The following ICOS variants were observed in gnomAD, a reference collection of about 807,000 sequenced individuals.
ICOS encodes the protein inducible T cell costimulator.
Under a neutral mutation model 24.6 loss-of-function variants are expected in ICOS, and 15 were observed. That is an observed-to-expected ratio of 0.61 (90% CI 0.41 to 0.94). The LOEUF (loss-of-function observed/expected upper bound fraction) is 0.94. Ranked by LOEUF, ICOS falls within the 40% of genes least tolerant of loss-of-function variation. ICOS has a pLI of 0.00. For missense variants in ICOS, 200 were observed against 233.0 expected (o/e 0.86, Z 0.92); for synonymous variants, 89 against 77.5 (o/e 1.15, Z -0.78).
chr2:203,957,646 A>G (rs1374986735), intron 3 of ICOS, among the ~76,000 whole-genome samples, 153 bp from the exon 4 acceptor site: 1 of 152,238 alleles, frequency 6.6e-6, no homozygotes, highest in African/African-American at 2.4e-5. Context: ...AGCCCTTTTC[A>G]TATTGTTTTT....
At chr2:203,947,322 T>G (rs1179751189) in intron 1 of ICOS, among the ~76,000 whole-genome samples, 3 of 152,080 alleles carry the variant, frequency 2.0e-5, no homozygotes, top group Non-Finnish European at 4.4e-5. Flanking sequence ...ATTATTATTA[T>G]TTTTTGAGAC....
intron 1 of ICOS, 30 bp downstream of exon 1, chr2:203,936,902 A>G (rs1340121250): frequency 2.1e-5 from 31 of 1,464,736 alleles, no homozygotes; most frequent in Non-Finnish European, 2.8e-5. Flanking sequence ...TTTCTTATTA[A>G]GTTATAATTC....
At chr2:203,957,935 C>G (rs772210728) in intron 4 of ICOS, 52 bp downstream of exon 4, 5 of 1,099,650 alleles carry the variant, frequency 4.5e-6, no homozygotes, top group African/African-American at 3.2e-5. Flanking sequence ...TCACAGTAAG[C>G]CTGGAATGTT....
intron 1 of ICOS, among the ~76,000 whole-genome samples, chr2:203,940,352 T>G (rs1689742780): frequency 6.6e-6 from 1 of 152,224 alleles, no homozygotes; most frequent in Admixed American, 6.5e-5. Context: ...CAAGAATCCT[T>G]TCTTAACACT....
intron 1 of ICOS, among the ~76,000 whole-genome samples, chr2:203,943,057 C>A (rs956431727): frequency 6.6e-6 from 1 of 152,156 alleles, no homozygotes; most frequent in Non-Finnish European, 1.5e-5. Flanking sequence ...GCCTTCACTT[C>A]TTGTATCATT....
chr2:203,937,026 C>A (rs2105741231), intron 1 of ICOS, among the ~76,000 whole-genome samples, 154 bp downstream of exon 1: 1 of 152,206 alleles, frequency 6.6e-6, no homozygotes, highest in African/African-American at 2.4e-5. Context: ...CCATGTCACT[C>A]ATGTCACTGT....
chr2:203,948,079 A>G (rs922987030), intron 1 of ICOS, among the ~76,000 whole-genome samples: 1 of 152,198 alleles, frequency 6.6e-6, no homozygotes, highest in Non-Finnish European at 1.5e-5. Flanking sequence ...ACAGACATAT[A>G]AGAGCCAAGA....
Position 203,955,843 on chromosome 2 carries a change from A to C in ICOS, c.266A>C (p.Asn89Thr). 1 of 1,613,812 alleles carries C rather than the reference A, an allele frequency of 6.2e-7. No individual in the cohort carries two copies. The highest frequency in any genetic ancestry group is 8.5e-7 in the Non-Finnish European group (1 of 1,179,776). ...SLKFCHSQLS[N>T]NSVSFFLYNL... ...AAATTCTGCCATTCTCAGTTATCCA[A>C]CAACAGTGTCTCTTTTTTTCTATAC... Residue 89 changes from asparagine (N) to threonine (T), a missense_variant, in exon 2 of 5, where the codon AAC (asparagine) becomes ACC (threonine). Coordinates refer to ENST00000316386, the MANE Select transcript of ICOS (RefSeq NM_012092.4).
At chr2:203,948,353 T>C (rs1443107936) in intron 1 of ICOS, among the ~76,000 whole-genome samples, 1 of 152,182 alleles carries the variant, frequency 6.6e-6, no homozygotes, top group Non-Finnish European at 1.5e-5. Context: ...GGCTCTAGTT[T>C]AATTTGATAA....
intron 3 of ICOS, among the ~76,000 whole-genome samples, chr2:203,956,984 G>A (rs529380112): frequency 6.0e-4 from 92 of 152,160 alleles, no homozygotes; most frequent in African/African-American, 2.1e-3. Context: ...TTGACTTGAT[G>A]GCTTACAGAG....
chr2:203,957,501 T>C (rs1442112196), intron 3 of ICOS, among the ~76,000 whole-genome samples: 2 of 152,088 alleles, frequency 1.3e-5, no homozygotes, highest in Non-Finnish European at 2.9e-5. Flanking sequence ...TGTATATCTG[T>C]GGGAGAGTGG....
At position 203,957,115 on chromosome 2, in the gene ICOS, A is replaced by C. The variant is rs115534020; in HGVS notation, c.501+350A>C. On this transcript the variant is annotated intron_variant, in intron 3 of 4. Transcript: ENST00000316386. ...TGACTCTGATTTTTAAAAAATTATT[A>C]TGCATGGGCTGCGAATTTGAATCCA... is the stretch of plus-strand genomic sequence containing the variant. Among the ~76,000 whole-genome samples the C allele has an allele frequency of 2.2e-3, 338 of 152,274 alleles. 1 individual carries two copies. Among genetic ancestry groups the C allele is most frequent in the African/African-American group, 7.7e-3 (320 of 41,554 alleles).
chr2:203,945,817 G>T (rs766607418), intron 1 of ICOS, among the ~76,000 whole-genome samples: 7 of 152,228 alleles, frequency 4.6e-5, no homozygotes, highest in Non-Finnish European at 1.0e-4. Flanking sequence ...GGCTATACAT[G>T]ATGTGTTAGG....
intron 1 of ICOS, among the ~76,000 whole-genome samples, chr2:203,941,115 A>T (rs1391203339): frequency 3.3e-5 from 5 of 151,882 alleles, no homozygotes; most frequent in East Asian, 1.9e-4. Flanking sequence ...ATTTATTATT[A>T]TTTTTTTTAA....
intron 1 of ICOS, among the ~76,000 whole-genome samples, chr2:203,948,281 A>G (rs565932115): frequency 6.6e-6 from 1 of 152,102 alleles, no homozygotes; most frequent in Non-Finnish European, 1.5e-5. Context: ...TGGCATAGCT[A>G]ACTCTGGGAT....
chr2:203,956,177 AT>A (rs1209106647), intron 2 of ICOS, among the ~76,000 whole-genome samples: 2 of 152,202 alleles, frequency 1.3e-5, no homozygotes, highest in African/African-American at 4.8e-5. Context: ...ATGCAATGTA[AT>A]CCCATAGACT....
Position 203,955,694 on chromosome 2 carries a change from A to C in ICOS, c.117A>C (p.Gln39His). The C allele has an allele frequency of 6.2e-7, 1 of 1,613,682 alleles. No individual in the cohort carries two copies. The highest frequency in any genetic ancestry group is 1.1e-5 in the South Asian group (1 of 91,070). The change falls in exon 2 of 5, where the codon CAA becomes CAC. Residue 39 changes from glutamine to histidine, a missense_variant. Physicochemically the swap from Gln to His is conservative, Grantham distance 24 (BLOSUM62 0). Coordinates refer to ENST00000316386, the MANE Select transcript of ICOS (RefSeq NM_012092.4). ...TTATATTTCACAACGGAGGTGTACAAATTTTATGCAAATATCCTGACATTG... is the reference window on the plus strand; with the variant it reads ...TTATATTTCACAACGGAGGTGTACACATTTTATGCAAATATCCTGACATTG... ...EMFIFHNGGV[Q>H]ILCKYPDIVQ...
chr2:203,947,807 C>T (rs183170248), intron 1 of ICOS, among the ~76,000 whole-genome samples: 2 of 152,288 alleles, frequency 1.3e-5, no homozygotes, highest in African/African-American at 4.8e-5. Flanking sequence ...TTTTAAGACT[C>T]ATCACCAGGA....
chr2:203,941,824 CA>C (rs1378688272), intron 1 of ICOS, among the ~76,000 whole-genome samples: 2 of 151,914 alleles, frequency 1.3e-5, no homozygotes, highest in Non-Finnish European at 2.9e-5. Context: ...ATATGTCACA[CA>C]AATTGAAAGT....
Sources: gnomAD v4.1 joint callset for allele counts (sites outside exome capture counted in the v4.1 genomes callset) on GRCh38, gnomAD v4.1.1 for gene constraint, MANE v1.5 for transcripts, NCBI Gene and HGNC (gene_info 2026-07-23, HGNC 2026-07-21) for gene names.